The following CLASP2 variants were observed in gnomAD, a reference collection of about 807,000 sequenced individuals.
The protein encoded by CLASP2 is cytoplasmic linker associated protein 2, also known as CLIP-associating protein 2.
A neutral mutation model predicts 194.4 loss-of-function variants in CLASP2; 47 were observed. The ratio of observed to expected loss-of-function variants is 0.24; its 90% CI spans 0.19 to 0.31. CLASP2 has a LOEUF of 0.31. Among genes scored for constraint, CLASP2 ranks in the 10% least tolerant of loss-of-function variants. The pLI, the probability that CLASP2 is intolerant of heterozygous loss-of-function variation, is 1.00. For missense variants in CLASP2, 1,445 were observed against 1,823.6 expected, an observed-to-expected ratio of 0.79 and a Z score of 3.78; for synonymous variants, 619 against 633.5, an observed-to-expected ratio of 0.98 and a Z score of 0.34.
At chr3:33,513,897 T>C (rs2050578462) in intron 36 of CLASP2, among the ~76,000 whole-genome samples, 2 of 152,270 alleles carry the variant, frequency 1.3e-5, no homozygotes, top group Non-Finnish European at 2.9e-5. Flanking sequence ...ATGAGATACA[T>C]GTCTGCAAAA....
chr3:33,560,658 C>T, intron 28 of CLASP2, 150 bp downstream of exon 28: 2 of 646,612 alleles, frequency 3.1e-6, no homozygotes, highest in Non-Finnish European at 5.3e-6. Context: ...TTTAAATATA[C>T]AATATGAATG....
At chr3:33,696,732 C>T in intron 2 of CLASP2, 123 bp downstream of exon 2, 1 of 740,544 alleles carries the variant, frequency 1.4e-6, no homozygotes. Flanking sequence ...TCCCAAAGTG[C>T]TGGGATTACA....
At chr3:33,609,823 G>C (rs2074725677) in intron 13 of CLASP2, among the ~76,000 whole-genome samples, 2 of 152,080 alleles carry the variant, frequency 1.3e-5, no homozygotes, top group African/African-American at 2.4e-5. Flanking sequence ...ACACTACATA[G>C]AAAACAAGGA....
Position 33,606,760 on chromosome 3 carries a change from T to C in CLASP2, c.1527-2A>G. On this transcript the variant is annotated splice_acceptor_variant, in intron 15 of 38. Transcript: ENST00000682230. LOFTEE classifies it high-confidence loss of function. ...TGGTTTCTAAGACCCATGTATGTCC[T>C]GTTAAAAAAAAAGAAAAGCAGATGA... is the stretch of plus-strand genomic sequence containing the variant. 6.3e-7 allele frequency: 1 copy of C among 1,588,068 alleles called. No homozygotes were observed.
rs1374007052 is a variant in CLASP2 at position 33,584,743 on chromosome 3, A to G, written c.2239+7T>C. ...TGTCTCACATAAAAAAAAAAAAAAA[A>G]TCTTACCCACTGAAAGCCTAGATGG... On this transcript the variant is annotated splice_region_variant and intron_variant, in intron 22 of 38. Transcript: ENST00000682230. The G allele has an allele frequency of 3.8e-6, 6 of 1,562,046 alleles. No homozygotes were observed. In the East Asian group the frequency reaches 9.0e-5, roughly 23 times the overall value.
At chr3:33,592,830 CCA>C (rs2069142666) in intron 20 of CLASP2, 1 of 328,172 alleles carries the variant, frequency 3.0e-6, no homozygotes, top group Non-Finnish European at 5.8e-6. Flanking sequence ...ATTTCAGTTT[CCA>C]TGAAGTTCAG....
intron 16 of CLASP2, among the ~76,000 whole-genome samples, chr3:33,605,535 C>A (rs2154258832): frequency 6.6e-6 from 1 of 152,264 alleles, no homozygotes; most frequent in East Asian, 1.9e-4. Context: ...GCCTCACTTG[C>A]CTCACCCTGG....
chr3:33,679,410 C>T (rs1450868238), intron 6 of CLASP2, among the ~76,000 whole-genome samples: 1 of 152,142 alleles, frequency 6.6e-6, no homozygotes, highest in Non-Finnish European at 1.5e-5. Context: ...TTAAAACTTT[C>T]TTCTCTTTGA....
At chr3:33,602,497 C>G (rs2072532252) in intron 18 of CLASP2, 3 of 745,382 alleles carry the variant, frequency 4.0e-6, no homozygotes, top group Non-Finnish European at 7.3e-6. Context: ...ATGAAGAAAT[C>G]AAACTGAATA....
chr3:33,686,340 T>TC (rs925421766), intron 5 of CLASP2, among the ~76,000 whole-genome samples: 1 of 152,092 alleles, frequency 6.6e-6, no homozygotes, highest in African/African-American at 2.4e-5. Context: ...CATAGCCTGT[T>TC]CAAGGACCAC....
At chr3:33,557,122 C>T (rs925579788) in intron 29 of CLASP2, among the ~76,000 whole-genome samples, 11 of 151,476 alleles carry the variant, frequency 7.3e-5, no homozygotes, top group Non-Finnish European at 1.3e-4. Flanking sequence ...TACAGGTGCC[C>T]AACATCACCC....
At chr3:33,612,149 A>G (rs1161730754) in intron 12 of CLASP2, 78 bp from the exon 13 acceptor site, 1 of 866,688 alleles carries the variant, frequency 1.2e-6, no homozygotes, top group Non-Finnish European at 1.9e-6. Flanking sequence ...CTTACATTCA[A>G]GTATTTAGTT....
At chr3:33,542,463 TATATA>T (rs936290180) in intron 32 of CLASP2, among the ~76,000 whole-genome samples, 24 of 148,970 alleles carry the variant, frequency 1.6e-4, no homozygotes, top group Middle Eastern at 3.8e-3. Context: ...AAGGGTTAAA[TATATA>T]ATAAATATAA....
intron 34 of CLASP2, among the ~76,000 whole-genome samples, chr3:33,528,896 GACA>G (rs1197636026): frequency 1.3e-5 from 2 of 152,160 alleles, no homozygotes; most frequent in Admixed American, 6.5e-5. Context: ...TCTGTTTGCA[GACA>G]ACATCATTTT....
At chr3:33,588,679 CA>C in intron 21 of CLASP2, 1 of 701,170 alleles carries the variant, frequency 1.4e-6, no homozygotes, top group Non-Finnish European at 2.6e-6. Context: ...ACAACAGATG[CA>C]CACATAAAGT....
rs976999313 is a variant in CLASP2 at position 33,688,510 on chromosome 3, C to G, written c.379-142G>C. On this transcript the variant is annotated intron_variant, in intron 3 of 38. Coordinates refer to ENST00000682230, the MANE Select transcript of CLASP2 (RefSeq NM_001365631.1). The stretch of plus-strand genomic sequence containing the variant: ...CTGTTGTTCATTTCTCCACTACTTA[C>G]AAGTTTTTCTAAGCCAAATTACACA... 3.4e-5 allele frequency: 22 copies of G among 654,458 alleles called. No homozygotes were observed. The African/African-American group carries it at 3.6e-4, about 11-fold the overall frequency. The allele number at this position is 654,458 out of a possible 1,614,324, so 40.5% of individuals were successfully genotyped here.
At chr3:33,600,802 T>C (rs2071878332) in intron 18 of CLASP2, among the ~76,000 whole-genome samples, 4 of 152,140 alleles carry the variant, frequency 2.6e-5, no homozygotes, top group African/African-American at 7.2e-5. Context: ...CACATTAAGG[T>C]TGATGCTAAT....
intron 23 of CLASP2, chr3:33,577,149 G>A (rs2065068809): frequency 1.6e-6 from 2 of 1,261,864 alleles, no homozygotes; most frequent in East Asian, 2.4e-5. Context: ...AACTGAAAAG[G>A]ATAAAATCTG....
At chr3:33,606,230 T>C (rs914754266) in intron 16 of CLASP2, among the ~76,000 whole-genome samples, 91 of 152,100 alleles carry the variant, frequency 6.0e-4, no homozygotes, top group Non-Finnish European at 9.9e-4. Flanking sequence ...AGTCACATAG[T>C]GTTGTAGAAT....
Sources: gnomAD v4.1 joint callset for allele counts (sites outside exome capture counted in the v4.1 genomes callset) on GRCh38, gnomAD v4.1.1 for gene constraint, MANE v1.5 for transcripts, NCBI Gene and HGNC (gene_info 2026-07-23, HGNC 2026-07-21) for gene names.